The following HIVEP3 variants were observed in gnomAD, a reference collection of about 807,000 sequenced individuals.
HIVEP3 encodes transcription factor HIVEP3.
HIVEP3 carries 49 observed loss-of-function variants against 152.8 expected under a neutral mutation model. That is an observed-to-expected ratio of 0.32 (90% CI 0.26 to 0.41). The LOEUF (loss-of-function observed/expected upper bound fraction) is 0.41. Ranked by LOEUF, HIVEP3 falls within the 10% of genes least tolerant of loss-of-function variation. HIVEP3 has a pLI of 1.00. For synonymous variants in HIVEP3, 1,269 were observed against 1,289.0 expected (o/e 0.98, Z 0.33); for missense variants, 2,790 against 3,103.3 (o/e 0.90, Z 2.40).
chr1:41,672,810 C>G (rs933625772), intron 2 of HIVEP3, among the ~76,000 whole-genome samples: 5 of 152,106 alleles, frequency 3.3e-5, no homozygotes, highest in African/African-American at 1.2e-4. Flanking sequence ...GAAGACTCAG[C>G]CAGGGACCAT....
chr1:41,578,308 G>T (rs1005221932), intron 4 of HIVEP3, among the ~76,000 whole-genome samples: 1 of 152,192 alleles, frequency 6.6e-6, no homozygotes, highest in African/African-American at 2.4e-5. Flanking sequence ...ACAGCATCTT[G>T]GGAGTGGCCA....
At chr1:41,636,320 G>T (rs1257014333) in intron 2 of HIVEP3, among the ~76,000 whole-genome samples, 2 of 152,166 alleles carry the variant, frequency 1.3e-5, no homozygotes, top group Admixed American at 1.3e-4. Context: ...AATGTATATG[G>T]ATTAGAGATA....
At chr1:41,566,411 G>A (rs971134135) in intron 5 of HIVEP3, among the ~76,000 whole-genome samples, 6 of 151,988 alleles carry the variant, frequency 3.9e-5, no homozygotes, top group Admixed American at 2.0e-4. Context: ...CCTGCCCCCT[G>A]CCCCTTCTCT....
intron 1 of HIVEP3, among the ~76,000 whole-genome samples, chr1:41,890,073 C>G (rs532469409): frequency 1.3e-5 from 2 of 152,352 alleles, no homozygotes; most frequent in Admixed American, 1.3e-4. Flanking sequence ...AGCTTTGTGC[C>G]ACTGGGCATG....
chr1:42,018,332 A>C (rs1304938219), intron 1 of HIVEP3, among the ~76,000 whole-genome samples: 1 of 151,500 alleles, frequency 6.6e-6, no homozygotes, highest in African/African-American at 2.4e-5. Flanking sequence ...ATATTCTCTT[A>C]TGTTTTCTTT....
chr1:41,795,463 G>A (rs957730094), intron 1 of HIVEP3, among the ~76,000 whole-genome samples: 5 of 152,234 alleles, frequency 3.3e-5, no homozygotes, highest in South Asian at 4.1e-4. Context: ...GGTGATGTCC[G>A]CCAGGTTTAT....
At chr1:41,769,605 G>GGAAGAAAGGAAC (rs1553258179) in intron 1 of HIVEP3, among the ~76,000 whole-genome samples, 2 of 152,036 alleles carry the variant, frequency 1.3e-5, no homozygotes, top group Non-Finnish European at 2.9e-5. Flanking sequence ...AAGTTAAGAA[G>GGAAGAAAGGAAC]GAAGAAAGGA....
intron 5 of HIVEP3, among the ~76,000 whole-genome samples, chr1:41,553,195 A>G (rs1643915242): frequency 6.6e-6 from 1 of 152,176 alleles, no homozygotes; most frequent in Non-Finnish European, 1.5e-5. Context: ...TATTGGGTGC[A>G]TATATATTTA....
intron 2 of HIVEP3, among the ~76,000 whole-genome samples, chr1:41,689,460 G>A (rs553374296): frequency 1.3e-5 from 2 of 152,304 alleles, no homozygotes; most frequent in African/African-American, 4.8e-5. Context: ...GGTCACTGGT[G>A]GGGAAACCTC....
chr1:41,549,453 T>C (rs2149080029), intron 5 of HIVEP3, among the ~76,000 whole-genome samples: 1 of 152,338 alleles, frequency 6.6e-6, no homozygotes, highest in South Asian at 2.1e-4. Context: ...TACCACACTC[T>C]CTTCCACAAT....
Position 41,513,101 on chromosome 1 carries a change from G to A in HIVEP3, c.6120C>T (p.Pro2040=), listed in dbSNP as rs372931151. The change falls in exon 8 of 9, where the codon CCC becomes CCT. Residue 2040 remains proline, a synonymous_variant. Coordinates refer to ENST00000372583, the MANE Select transcript of HIVEP3 (RefSeq NM_024503.5). ...RLQLSPLTLC[P]LGRELAPRAH... ...CTCGAGGGGCCAGTTCTCTTCCCAG[G>A]GGGCAGAGGGTGAGAGGAGACAGCT... is the stretch of plus-strand genomic sequence containing the variant. 1.9e-4 allele frequency: 303 copies of A among 1,613,924 alleles called. No homozygotes were observed. Among genetic ancestry groups the A allele is most frequent in the South Asian group, 6.7e-4 (61 of 91,090 alleles).
chr1:41,573,346 C>T (rs1405735034), intron 5 of HIVEP3, among the ~76,000 whole-genome samples: 1 of 152,166 alleles, frequency 6.6e-6, no homozygotes. Context: ...TGCCCTCCCC[C>T]TCCTTCACCA....
chr1:41,697,806 G>T (rs1474765917), intron 2 of HIVEP3, among the ~76,000 whole-genome samples: 1 of 152,178 alleles, frequency 6.6e-6, no homozygotes. Flanking sequence ...ATTCTTATTG[G>T]TGAACACATT....
intron 1 of HIVEP3, among the ~76,000 whole-genome samples, chr1:41,949,188 T>C (rs1008390780): frequency 2.0e-5 from 3 of 151,876 alleles, no homozygotes; most frequent in Non-Finnish European, 4.4e-5. Flanking sequence ...TCATTCTTAG[T>C]GCCCCCTATG....
intron 1 of HIVEP3, among the ~76,000 whole-genome samples, chr1:41,785,373 C>T (rs538608500): frequency 2.0e-4 from 31 of 152,166 alleles, no homozygotes; most frequent in Non-Finnish European, 3.8e-4. Flanking sequence ...TTACATACTT[C>T]GAGCAAATAA....
rs1408358289 is a variant in HIVEP3, at chr1:41,603,884, C to A, written c.-521-18566G>T. The stretch of plus-strand genomic sequence containing the variant: ...TCGAGTCATTTGCTTCTCTGTTGAT[C>A]TTCTGTGTTGATATTCTATCCGTTA... On this transcript the variant is annotated intron_variant, in intron 3 of 8. Coordinates refer to ENST00000372583, the MANE Select transcript of HIVEP3 (RefSeq NM_024503.5). Among the ~76,000 whole-genome samples the A allele has an allele frequency of 4.5e-4, 69 of 152,174 alleles. 1 individual carries two copies. Among genetic ancestry groups the A allele is most frequent in the Admixed American group, 4.5e-3 (69 of 15,276 alleles).
chr1:41,782,208 AAAG>A (rs1427815333), intron 1 of HIVEP3, among the ~76,000 whole-genome samples: 1 of 152,246 alleles, frequency 6.6e-6, no homozygotes, highest in Non-Finnish European at 1.5e-5. Flanking sequence ...GCCAGTCACA[AAAG>A]AAGGACAAAT....
At chr1:41,986,386 G>T (rs1570868945) in intron 1 of HIVEP3, among the ~76,000 whole-genome samples, 1 of 149,758 alleles carries the variant, frequency 6.7e-6, no homozygotes, top group Non-Finnish European at 1.5e-5. Context: ...ATAAGTATTT[G>T]TTGAACAAGT....
chr1:41,511,092 A>G lies in HIVEP3; in HGVS notation c.6580T>C (p.Leu2194=), dbSNP rs759658128. ...ATCTGGATCCCACCGATGGGAATCA[A>G]GGGACATGGGGCACGGGTCAAGTGC... ...SQHLTRAPCP[L]IPIGGIQMVQ... is the part of the protein sequence containing the mutation. Residue 2194 remains leucine, a synonymous_variant, in exon 9 of 9, where the codon TTG becomes CTG. Transcript: ENST00000372583. This position sits in a 1 kb window ranked among gnomAD's most constrained non-coding sequence, Gnocchi z 4.9. 1.9e-6 allele frequency: 3 copies of G among 1,614,082 alleles called. No individual in the cohort carries two copies. The highest frequency in any genetic ancestry group is 2.7e-5 in the African/African-American group (2 of 74,942).
Sources: allele counts gnomAD v4.1 joint callset (sites outside exome capture counted in the v4.1 genomes callset), GRCh38; gene constraint gnomAD v4.1.1; non-coding constraint Gnocchi (gnomAD v3.1); transcripts MANE v1.5; gene names NCBI Gene and HGNC (gene_info 2026-07-23, HGNC 2026-07-21).